Variants in CSMD1 observed in about 807,000 individuals in gnomAD.
CSMD1 encodes CUB and Sushi multiple domains 1.
Under a neutral mutation model 417.5 loss-of-function variants are expected in CSMD1, and 213 were observed. The ratio of observed to expected loss-of-function variants is 0.51; its 90% CI spans 0.46 to 0.57. The LOEUF (loss-of-function observed/expected upper bound fraction) is 0.57, where lower values mean the gene tolerates loss of function less well. Among genes scored for constraint, CSMD1 ranks in the 20% least tolerant of loss-of-function variants. CSMD1 has a pLI of 0.00. For synonymous variants in CSMD1, 2,862 were observed against 1,736.8 expected, an observed-to-expected ratio of 1.65 and a Z score of -16.11; for missense variants, 6,923 against 4,529.7, an observed-to-expected ratio of 1.53 and a Z score of -15.17.
intron 1 of CSMD1, among the ~76,000 whole-genome samples, chr8:4,772,692 G>A (rs776337816): frequency 2.0e-5 from 3 of 152,142 alleles, no homozygotes; most frequent in Admixed American, 6.5e-5. Context: ...ATCTGTGAAA[G>A]GATGTGCATT....
At chr8:4,072,779 A>C (rs1313254199) in intron 3 of CSMD1, among the ~76,000 whole-genome samples, 1 of 152,114 alleles carries the variant, frequency 6.6e-6, no homozygotes, top group Non-Finnish European at 1.5e-5. Flanking sequence ...GGAGCCTCAC[A>C]GTCATGGAAA....
intron 10 of CSMD1, among the ~76,000 whole-genome samples, chr8:3,530,599 G>T (rs917734083): frequency 6.6e-6 from 1 of 152,176 alleles, no homozygotes; most frequent in Non-Finnish European, 1.5e-5. Flanking sequence ...TAGGCTCACA[G>T]CAACCTCTGC....
At chr8:3,554,929 G>A (rs957518266) in intron 10 of CSMD1, among the ~76,000 whole-genome samples, 7 of 152,056 alleles carry the variant, frequency 4.6e-5, no homozygotes, top group African/African-American at 1.7e-4. Context: ...AGCCACACAG[G>A]GCAAGTGGGT....
At chr8:4,487,584 G>C (rs565637104) in intron 2 of CSMD1, among the ~76,000 whole-genome samples, 3 of 152,142 alleles carry the variant, frequency 2.0e-5, no homozygotes, top group Non-Finnish European at 2.9e-5. Flanking sequence ...ATTTGGGTTG[G>C]TTCCAAGTCT....
intron 1 of CSMD1, among the ~76,000 whole-genome samples, chr8:4,756,880 G>A (rs1031602115): frequency 7.2e-5 from 11 of 152,196 alleles, no homozygotes; most frequent in Non-Finnish European, 1.3e-4. Flanking sequence ...TAACCTGAAA[G>A]CAAACTTGGC....
intron 5 of CSMD1, among the ~76,000 whole-genome samples, chr8:3,860,597 A>G (rs1804634464): frequency 6.6e-6 from 1 of 152,172 alleles, no homozygotes; most frequent in Non-Finnish European, 1.5e-5. Flanking sequence ...ATTACACATC[A>G]TATATGAACA....
chr8:3,112,903 T>G (rs61552331), intron 42 of CSMD1: 19,060 of 152,266 alleles, frequency 0.13, 1,345 homozygotes, highest in Middle Eastern at 0.17. Context: ...AAGAGGACCC[T>G]AAGAATCTGG....
At chr8:4,936,477 T>C (rs990877317) in intron 1 of CSMD1, among the ~76,000 whole-genome samples, 4 of 152,330 alleles carry the variant, frequency 2.6e-5, no homozygotes, top group Middle Eastern at 3.4e-3. Flanking sequence ...TTCAAGGCTT[T>C]AAAACTTTGC....
rs144079952 is a variant in CSMD1 at position 3,146,219 on chromosome 8, T to C, written c.6032-3545A>G. ...AATGGGGTAAGGCAGACAGAAAGCT[T>C]CATTGCATTTCTGTTAACTGTGCCC... On this transcript the variant is annotated intron_variant, in intron 40 of 69. Transcript: ENST00000635120. Among the ~76,000 whole-genome samples, 68 of 152,228 alleles carry C rather than the reference T, an allele frequency of 4.5e-4. 1 individual carries two copies. The East Asian group carries it at 0.01, about 23-fold the overall frequency.
chr8:3,635,205 G>C (rs1472080953), intron 7 of CSMD1, among the ~76,000 whole-genome samples: 1 of 152,124 alleles, frequency 6.6e-6, no homozygotes, highest in Non-Finnish European at 1.5e-5. Flanking sequence ...GCCAGGTGCA[G>C]TGGCTCACGC....
At chr8:4,167,744 C>T (rs1797534385) in intron 3 of CSMD1, among the ~76,000 whole-genome samples, 1 of 152,138 alleles carries the variant, frequency 6.6e-6, no homozygotes, top group Non-Finnish European at 1.5e-5. Flanking sequence ...AATTCCAGCA[C>T]TTTTAGAGAC....
At chr8:3,896,235 C>G (rs1193247188) in intron 5 of CSMD1, among the ~76,000 whole-genome samples, 1 of 152,148 alleles carries the variant, frequency 6.6e-6, no homozygotes, top group South Asian at 2.1e-4. Flanking sequence ...GTTGCTGTCA[C>G]CAAAATTTCT....
chr8:4,922,529 C>A (rs990606243), intron 1 of CSMD1, among the ~76,000 whole-genome samples: 1 of 152,108 alleles, frequency 6.6e-6, no homozygotes, highest in Non-Finnish European at 1.5e-5. Context: ...CTGGGCAAAC[C>A]ATTCACACCC....
At chr8:4,433,406 G>T (rs921659065) in intron 2 of CSMD1, among the ~76,000 whole-genome samples, 2 of 152,024 alleles carry the variant, frequency 1.3e-5, no homozygotes, top group African/African-American at 4.8e-5. Flanking sequence ...TCTACTAAAA[G>T]AATCAACCTT....
chr8:2,995,599 A>G (rs1248248203), intron 54 of CSMD1, among the ~76,000 whole-genome samples: 1 of 152,206 alleles, frequency 6.6e-6, no homozygotes, highest in East Asian at 1.9e-4. Context: ...CGTGTTCATA[A>G]CAGCTCGTAG....
intron 3 of CSMD1, among the ~76,000 whole-genome samples, chr8:4,111,635 T>C (rs7817704): frequency 0.27 from 41,044 of 152,080 alleles, 5,942 homozygotes; most frequent in Middle Eastern, 0.4. Flanking sequence ...TGGATGGAGT[T>C]AGAAGCCATT....
intron 3 of CSMD1, among the ~76,000 whole-genome samples, chr8:4,199,186 C>A (rs959963113): frequency 6.6e-6 from 1 of 151,358 alleles, no homozygotes; most frequent in African/African-American, 2.4e-5. Flanking sequence ...ATCCTACTTT[C>A]AGAAACATTA....
At chr8:4,332,288 C>A (rs1172209415) in intron 3 of CSMD1, among the ~76,000 whole-genome samples, 1 of 152,116 alleles carries the variant, frequency 6.6e-6, no homozygotes, top group East Asian at 1.9e-4. Flanking sequence ...GTGCTCCAAG[C>A]CTCTCTTGGA....
chr8:4,947,591 T>G (rs556407871), intron 1 of CSMD1, among the ~76,000 whole-genome samples: 1 of 152,240 alleles, frequency 6.6e-6, no homozygotes, highest in African/African-American at 2.4e-5. Flanking sequence ...TTGAAGATTT[T>G]CTTCCCCTAC....
Sources: gnomAD v4.1 joint callset for allele counts (sites outside exome capture counted in the v4.1 genomes callset) on GRCh38, gnomAD v4.1.1 for gene constraint, MANE v1.5 for transcripts, NCBI Gene and HGNC (gene_info 2026-07-23, HGNC 2026-07-21) for gene names.